Variants in PCDHGA6 observed in about 807,000 individuals in gnomAD.
The protein encoded by PCDHGA6 is protocadherin gamma-A6.
Under a neutral mutation model 60.6 loss-of-function variants are expected in PCDHGA6, and 41 were observed. The observed-to-expected ratio is 0.68, with a 90% CI of 0.53 to 0.88. The LOEUF (loss-of-function observed/expected upper bound fraction) is 0.88. PCDHGA6 is among the 40% of genes least tolerant of loss of function. The pLI, the probability that PCDHGA6 is intolerant of heterozygous loss-of-function variation, is 0.00. For missense variants in PCDHGA6, 1,312 were observed against 1,203.0 expected, an observed-to-expected ratio of 1.09 and a Z score of -1.34; for synonymous variants, 594 against 524.4, an observed-to-expected ratio of 1.13 and a Z score of -1.81.
At chr5:141,415,083 G>A (rs747351388) in intron 1 of PCDHGA6, 4 of 1,613,514 alleles carry the variant, frequency 2.5e-6, no homozygotes, top group Non-Finnish European at 3.4e-6. Context: ...CGCGAGCCCT[G>A]CTGGACAGAG....
Position 141,375,974 on chromosome 5 carries a change from G to A in PCDHGA6, c.1891G>A (p.Ala631Thr), listed in dbSNP as rs181747779. Reference sequence around the variant, plus strand: ...CACGGGCGAGGTGCGCACGGCGCGCGCCCTGCTGGACAGAGACGCGCTCAA... The same window carrying A: ...CACGGGCGAGGTGCGCACGGCGCGCACCCTGCTGGACAGAGACGCGCTCAA... Reference protein sequence around the residue: ...LHTGEVRTARALLDRDALKQS... With the variant: ...LHTGEVRTARTLLDRDALKQS... Residue 631 changes from alanine (A) to threonine (T), a missense_variant, in exon 1 of 4, where the codon GCC becomes ACC. Physicochemically the swap from Ala to Thr is moderately conservative, Grantham distance 58. Transcript: ENST00000517434. 26 of 1,613,354 alleles carry A rather than the reference G, an allele frequency of 1.6e-5. No individual in the cohort carries two copies. The South Asian group carries it at 2.0e-4, about 12-fold the overall frequency.
In PCDHGA6 at chr5:141,483,740, A is replaced by T. The variant is rs2099586227; in HGVS notation, c.2425-11067A>T. Among the ~76,000 whole-genome samples, 4 of 152,148 alleles carry T rather than the reference A, an allele frequency of 2.6e-5. No homozygotes were observed. The South Asian group carries it at 8.3e-4, about 32-fold the overall frequency. ...TGGTTCCCACCATAGTCAAAAGGATATTCCTGAGGATCGAGGCTTGGAAAA... is the reference window on the plus strand; with the variant it reads ...TGGTTCCCACCATAGTCAAAAGGATTTTCCTGAGGATCGAGGCTTGGAAAA... On this transcript the variant is annotated intron_variant, in intron 1 of 3. Transcript: ENST00000517434.
intron 1 of PCDHGA6, chr5:141,441,910 G>A: frequency 2.9e-6 from 1 of 349,440 alleles, no homozygotes; most frequent in Non-Finnish European, 5.5e-6. Flanking sequence ...AGACGCAGAT[G>A]TGAGACACAA....
intron 3 of PCDHGA6, among the ~76,000 whole-genome samples, chr5:141,506,444 C>CA (rs1219684339): frequency 0.017 from 1,570 of 94,842 alleles, 20 homozygotes; most frequent in African/African-American, 0.048. Flanking sequence ...CGCTCTGTCT[C>CA]AAAAAAAAAA....
chr5:141,499,493 A>G (rs1322531312), intron 2 of PCDHGA6, among the ~76,000 whole-genome samples: 1 of 152,222 alleles, frequency 6.6e-6, no homozygotes, highest in African/African-American at 2.4e-5. Context: ...CTACAGTTTA[A>G]TATGAAACAT....
chr5:141,418,954 T>C (rs1490406390), intron 1 of PCDHGA6: 2 of 1,613,914 alleles, frequency 1.2e-6, no homozygotes, highest in Admixed American at 1.7e-5. Flanking sequence ...CAGGAGTGGT[T>C]GTTGCCCTCT....
At chr5:141,500,866 A>C (rs576713520) in intron 2 of PCDHGA6, among the ~76,000 whole-genome samples, 1 of 146,112 alleles carries the variant, frequency 6.8e-6, no homozygotes, top group Non-Finnish European at 1.5e-5. Context: ...AAACATACAC[A>C]TTCATTTACA....
intron 1 of PCDHGA6, among the ~76,000 whole-genome samples, chr5:141,460,317 A>G (rs1045494740): frequency 4.6e-5 from 7 of 152,260 alleles, no homozygotes; most frequent in African/African-American, 1.7e-4. Flanking sequence ...CTCCTTGCCT[A>G]CTGAAAACTT....
At chr5:141,405,188 G>T (rs2094622261) in intron 1 of PCDHGA6, 1 of 1,613,954 alleles carries the variant, frequency 6.2e-7, no homozygotes, top group African/African-American at 1.3e-5. Context: ...TGTAGATGGG[G>T]TTCGAGCTTT....
intron 1 of PCDHGA6, among the ~76,000 whole-genome samples, chr5:141,445,787 T>C (rs2098477657): frequency 1.3e-5 from 2 of 152,182 alleles, no homozygotes; most frequent in South Asian, 4.1e-4. Context: ...CTAGGGAGGC[T>C]AGAAACAGAA....
At chr5:141,403,344 C>T (rs1307550469) in intron 1 of PCDHGA6, 10 of 1,613,916 alleles carry the variant, frequency 6.2e-6, no homozygotes, top group Non-Finnish European at 8.5e-6. Context: ...GACAGCGCCC[C>T]AAAGTTCCAG....
intron 1 of PCDHGA6, among the ~76,000 whole-genome samples, chr5:141,380,845 A>G (rs1215311097): frequency 6.6e-6 from 1 of 152,272 alleles, no homozygotes; most frequent in Admixed American, 6.5e-5. Context: ...GTAAAAATGG[A>G]TCAAGACATT....
intron 1 of PCDHGA6, chr5:141,409,367 G>A: frequency 1.9e-6 from 3 of 1,614,000 alleles, no homozygotes; most frequent in Non-Finnish European, 2.5e-6. Context: ...TATAGAAACA[G>A]ACATTCCATT....
chr5:141,390,851 G>T (rs2092239783), intron 1 of PCDHGA6: 1 of 157,664 alleles, frequency 6.3e-6, no homozygotes. Context: ...ATTATATGCA[G>T]TGTACGCTGT....
intron 1 of PCDHGA6, chr5:141,428,368 C>A (rs1403173774): frequency 1.3e-5 from 7 of 544,884 alleles, no homozygotes; most frequent in Non-Finnish European, 2.4e-5. Flanking sequence ...GGTCGCCTTG[C>A]ACCTGCGATG....
Position 141,486,650 on chromosome 5 carries a change from T to C in PCDHGA6, c.2425-8157T>C, listed in dbSNP as rs1321605826. On this transcript the variant is annotated intron_variant, in intron 1 of 3. Coordinates refer to ENST00000517434, the MANE Select transcript of PCDHGA6 (RefSeq NM_018919.3). The surrounding 1 kb of genome is among the most constrained non-coding windows in gnomAD (Gnocchi z 5.0). ...TGGCTTGAATGCGCTTATCTCCTAC[T>C]CACTCCTGGAGCCCAGGAATCGAGA... is the stretch of plus-strand genomic sequence containing the variant. The C allele has an allele frequency of 6.2e-7, 1 of 1,613,834 alleles. No individual in the cohort carries two copies. Among genetic ancestry groups the C allele is most frequent in the African/African-American group, 1.3e-5 (1 of 74,938 alleles).
intron 1 of PCDHGA6, chr5:141,421,935 A>G: frequency 6.2e-7 from 1 of 1,613,514 alleles, no homozygotes; most frequent in East Asian, 2.2e-5. Context: ...TCCTCGATGT[A>G]AATGATCACA....
intron 1 of PCDHGA6, among the ~76,000 whole-genome samples, chr5:141,406,775 CACTT>C (rs2094850405): frequency 6.6e-6 from 1 of 152,200 alleles, no homozygotes; most frequent in Non-Finnish European, 1.5e-5. Context: ...ATATTTCTCT[CACTT>C]ATATATTATT....
intron 1 of PCDHGA6, among the ~76,000 whole-genome samples, chr5:141,448,869 T>C (rs1375609555): frequency 6.6e-6 from 1 of 151,930 alleles, no homozygotes; most frequent in Non-Finnish European, 1.5e-5. Flanking sequence ...GGCGTGAACC[T>C]GGGAGGCGGA....
Sources: gnomAD v4.1 joint callset for allele counts (sites outside exome capture counted in the v4.1 genomes callset) on GRCh38, gnomAD v4.1.1 for gene constraint, Gnocchi (gnomAD v3.1) non-coding constraint, MANE v1.5 for transcripts, NCBI Gene and HGNC (gene_info 2026-07-23, HGNC 2026-07-21) for gene names.